Variants in GRIN2B observed in about 807,000 individuals in gnomAD.
GRIN2B encodes the protein glutamate receptor ionotropic, NMDA 2B.
In GRIN2B, 5 loss-of-function variants were observed where a neutral mutation model predicts 114.5. The ratio of observed to expected loss-of-function variants is 0.04; its 90% CI spans 0.02 to 0.09. The LOEUF (loss-of-function observed/expected upper bound fraction) is 0.09. Among genes scored for constraint, GRIN2B ranks in the 10% least tolerant of loss-of-function variants. GRIN2B has a pLI of 1.00. For synonymous variants in GRIN2B, 787 were observed against 745.1 expected, an observed-to-expected ratio of 1.06 and a Z score of -0.92; for missense variants, 1,108 against 1,943.5, an observed-to-expected ratio of 0.57 and a Z score of 8.08.
In GRIN2B at chr12:13,546,516, A is replaced by G. The variant is rs951386236; in HGVS notation, c.*16267T>C. On this transcript the variant is annotated 3_prime_UTR_variant, in exon 14 of 14. Transcript: ENST00000609686. Reference sequence around the variant, plus strand: ...CTTCACCACCAAACCATTCTACCCCAATTTCCCTCTTCTTTGTTTCTAGAT... The same window carrying G: ...CTTCACCACCAAACCATTCTACCCCGATTTCCCTCTTCTTTGTTTCTAGAT... The G allele has an allele frequency of 3.9e-5, 6 of 152,040 alleles. No individual in the cohort carries two copies. The highest frequency in any genetic ancestry group is 1.4e-4 in the African/African-American group (6 of 41,454). 9.4% of individuals were successfully genotyped at this position (152,040 alleles called of 1,614,324 possible). A position where few individuals can be genotyped will look rare whatever the true frequency, so the allele number is the denominator to read the frequency against.
intron 5 of GRIN2B, among the ~76,000 whole-genome samples, chr12:13,671,655 T>C (rs1338622795): frequency 2.6e-5 from 4 of 152,186 alleles, no homozygotes; most frequent in Non-Finnish European, 5.9e-5. Flanking sequence ...AAGTTACCTG[T>C]TCCCATGCTG....
At chr12:13,904,536 T>A (rs766730197) in intron 2 of GRIN2B, among the ~76,000 whole-genome samples, 18 of 152,124 alleles carry the variant, frequency 1.2e-4, no homozygotes, top group Non-Finnish European at 2.4e-4. Flanking sequence ...TGGCTAATAA[T>A]CATTTAGTTT....
At chr12:13,591,011 G>A (rs1200006439) in intron 10 of GRIN2B, among the ~76,000 whole-genome samples, 1 of 152,168 alleles carries the variant, frequency 6.6e-6, no homozygotes, top group East Asian at 1.9e-4. Context: ...CTGCAAAGAG[G>A]TACTAGGCAC....
At chr12:13,589,784 G>T (rs889488458) in intron 10 of GRIN2B, among the ~76,000 whole-genome samples, 1 of 152,148 alleles carries the variant, frequency 6.6e-6, no homozygotes, top group Non-Finnish European at 1.5e-5. Context: ...TGGTATAGAG[G>T]TTGGAAGACA....
At chr12:13,702,810 CAT>C (rs1950324814) in intron 4 of GRIN2B, among the ~76,000 whole-genome samples, 1 of 152,160 alleles carries the variant, frequency 6.6e-6, no homozygotes, top group East Asian at 1.9e-4. Context: ...TGTCATACCA[CAT>C]GTTTATGTGC....
chr12:13,575,673 C>CAACAAT (rs113820666), intron 10 of GRIN2B, among the ~76,000 whole-genome samples: 46 of 147,688 alleles, frequency 3.1e-4, no homozygotes, highest in African/African-American at 9.6e-4. Flanking sequence ...ATGATAACAA[C>CAACAAT]AATAATAATA....
At chr12:13,883,400 C>T (rs181129809) in intron 2 of GRIN2B, among the ~76,000 whole-genome samples, 93 of 152,262 alleles carry the variant, frequency 6.1e-4, no homozygotes, top group Middle Eastern at 3.4e-3. Context: ...CCATTCCTAC[C>T]AACCTATTCT....
intron 3 of GRIN2B, among the ~76,000 whole-genome samples, chr12:13,791,344 G>A (rs556190061): frequency 7.1e-4 from 108 of 151,436 alleles, no homozygotes; most frequent in African/African-American, 2.3e-3. Flanking sequence ...CCAGCTACTC[G>A]GAGAGGCTGA....
intron 4 of GRIN2B, among the ~76,000 whole-genome samples, chr12:13,748,458 C>T (rs990854065): frequency 6.6e-5 from 10 of 152,146 alleles, no homozygotes; most frequent in Admixed American, 1.3e-4. Flanking sequence ...AAAATGTAGA[C>T]GGGTGCCTCC....
At chr12:13,928,714 T>G (rs1360782404) in intron 2 of GRIN2B, among the ~76,000 whole-genome samples, 1 of 152,232 alleles carries the variant, frequency 6.6e-6, no homozygotes, top group East Asian at 1.9e-4. Flanking sequence ...GCAGAGGTAT[T>G]CAACTTTTAT....
intron 13 of GRIN2B, 86 bp downstream of exon 13, chr12:13,566,939 A>G (rs372784393): frequency 6.7e-6 from 6 of 892,438 alleles, no homozygotes; most frequent in East Asian, 4.8e-5. Flanking sequence ...GGGTGGAGAT[A>G]GTGTCCTCTT....
chr12:13,628,625 A>G (rs2136494703), intron 5 of GRIN2B, among the ~76,000 whole-genome samples: 1 of 152,360 alleles, frequency 6.6e-6, no homozygotes, highest in East Asian at 1.9e-4. Context: ...ATTTCTTTGG[A>G]GCTAGAACAT....
At chr12:13,645,631 T>C (rs150493862) in intron 5 of GRIN2B, among the ~76,000 whole-genome samples, 216 of 152,076 alleles carry the variant, frequency 1.4e-3, no homozygotes, top group African/African-American at 5.0e-3. Flanking sequence ...CTGTGCTAAT[T>C]TCTTCAGAGA....
Position 13,769,245 on chromosome 12 carries a change from G to T in GRIN2B, c.412-15330C>A, listed in dbSNP as rs531002596. 2.0e-5 allele frequency among the ~76,000 whole-genome samples: 3 copies of T among 152,152 alleles called. No homozygotes were observed. In the East Asian group the frequency reaches 5.8e-4, roughly 29 times the overall value. On this transcript the variant is annotated intron_variant, in intron 3 of 13. Transcript: ENST00000609686. Reference sequence around the variant, plus strand: ...TTTAGTCCCCTGGCCTGAGACAGGGGACAGAGTGCCCTCAGTAATGCAAGG... The same window carrying T: ...TTTAGTCCCCTGGCCTGAGACAGGGTACAGAGTGCCCTCAGTAATGCAAGG...
At chr12:13,594,531 G>A (rs1003090311) in intron 10 of GRIN2B, among the ~76,000 whole-genome samples, 1 of 151,966 alleles carries the variant, frequency 6.6e-6, no homozygotes, top group Non-Finnish European at 1.5e-5. Context: ...TAAGGGGGTG[G>A]GGGGCTAGGG....
intron 3 of GRIN2B, among the ~76,000 whole-genome samples, chr12:13,810,731 A>G (rs2136683690): frequency 6.6e-6 from 1 of 152,336 alleles, no homozygotes; most frequent in Middle Eastern, 3.4e-3. Flanking sequence ...TTGCACTTCT[A>G]ATGCCTATAC....
At chr12:13,703,053 A>T (rs1336301161) in intron 4 of GRIN2B, among the ~76,000 whole-genome samples, 1 of 152,212 alleles carries the variant, frequency 6.6e-6, no homozygotes. Flanking sequence ...AAATTTGTGC[A>T]AAGGTGCCAT....
intron 4 of GRIN2B, among the ~76,000 whole-genome samples, chr12:13,719,626 T>C (rs1950489835): frequency 6.6e-6 from 1 of 152,088 alleles, no homozygotes; most frequent in African/African-American, 2.4e-5. Context: ...TTCTGTTCAC[T>C]GAACATGAAA....
chr12:13,817,692 C>T (rs1864852996), intron 3 of GRIN2B, among the ~76,000 whole-genome samples: 1 of 152,126 alleles, frequency 6.6e-6, no homozygotes, highest in Admixed American at 6.5e-5. Context: ...CCCAGAATAA[C>T]CCAATGATGA....
Sources: allele counts gnomAD v4.1 joint callset (sites outside exome capture counted in the v4.1 genomes callset), GRCh38; gene constraint gnomAD v4.1.1; transcripts MANE v1.5; gene names NCBI Gene and HGNC (gene_info 2026-07-23, HGNC 2026-07-21).